The following PDE4D variants were observed in gnomAD, a reference collection of about 807,000 sequenced individuals.
PDE4D encodes phosphodiesterase 4D, also known as 3',5'-cyclic-AMP phosphodiesterase 4D.
A neutral mutation model predicts 87.4 loss-of-function variants in PDE4D; 24 were observed. The observed-to-expected ratio is 0.27, with a 90% confidence interval of 0.20 to 0.39. The LOEUF (loss-of-function observed/expected upper bound fraction) is 0.39. PDE4D is among the 10% of genes least tolerant of loss of function. The pLI is 1.00. For synonymous variants in PDE4D, 384 were observed against 383.2 expected (o/e 1.00, Z -0.02); for missense variants, 714 against 1,041.0 (o/e 0.69, Z 4.32).
chr5:59,703,314 T>C (rs867588534), intron 1 of PDE4D, among the ~76,000 whole-genome samples: 2 of 152,188 alleles, frequency 1.3e-5, no homozygotes, highest in African/African-American at 2.4e-5. Context: ...GAGGTACAAC[T>C]ATCAATAAAA....
At chr5:59,146,786 G>T (rs1216609799) in intron 5 of PDE4D, among the ~76,000 whole-genome samples, 1 of 152,022 alleles carries the variant, frequency 6.6e-6, no homozygotes, top group Non-Finnish European at 1.5e-5. Context: ...ATTACCTTTT[G>T]ATAAAATAAG....
At chr5:59,205,776 T>C (rs1380586359) in intron 2 of PDE4D, among the ~76,000 whole-genome samples, 1 of 150,834 alleles carries the variant, frequency 6.6e-6, no homozygotes, top group Non-Finnish European at 1.5e-5. Context: ...AAAGAAAAAA[T>C]GAATTTTGAA....
intron 1 of PDE4D, among the ~76,000 whole-genome samples, chr5:60,484,750 T>C (rs1292856086): frequency 6.6e-6 from 1 of 152,164 alleles, no homozygotes; most frequent in Admixed American, 6.5e-5. Context: ...AAAAGTTTTG[T>C]CCATTACTGG....
chr5:59,361,099 A>G (rs555011076), intron 1 of PDE4D, among the ~76,000 whole-genome samples: 57 of 152,304 alleles, frequency 3.7e-4, no homozygotes, highest in African/African-American at 1.3e-3. Flanking sequence ...CAACTAAGTC[A>G]AGCTTTTCTA....
At chr5:59,180,990 T>C (rs1741404449) in intron 4 of PDE4D, among the ~76,000 whole-genome samples, 1 of 152,234 alleles carries the variant, frequency 6.6e-6, no homozygotes. Flanking sequence ...GCAGTCAATT[T>C]ATAATTGTCT....
chr5:60,118,561 TTG>T (rs34503506), intron 2 of PDE4D, among the ~76,000 whole-genome samples: 3,976 of 144,140 alleles, frequency 0.028, 151 homozygotes, highest in African/African-American at 0.091. Context: ...TGGATGTAGG[TTG>T]TGTGTGTGTG....
chr5:60,442,082 A>G (rs983871864), intron 1 of PDE4D, among the ~76,000 whole-genome samples: 1 of 152,256 alleles, frequency 6.6e-6, no homozygotes, highest in Non-Finnish European at 1.5e-5. Context: ...CAGCATTCCT[A>G]TTACTGGGTA....
intron 1 of PDE4D, among the ~76,000 whole-genome samples, chr5:59,323,969 A>G (rs769760038): frequency 4.6e-5 from 7 of 152,108 alleles, no homozygotes; most frequent in Non-Finnish European, 7.4e-5. Flanking sequence ...CCTTAGGCCA[A>G]CTAATTTTTC....
chr5:59,081,911 A>T (rs551134290), intron 5 of PDE4D, among the ~76,000 whole-genome samples: 1 of 152,226 alleles, frequency 6.6e-6, no homozygotes, highest in Non-Finnish European at 1.5e-5. Flanking sequence ...ATCATAGGGC[A>T]GTTTCCCCCA....
intron 1 of PDE4D, among the ~76,000 whole-genome samples, chr5:60,441,557 C>A (rs775277997): frequency 6.6e-6 from 1 of 152,136 alleles, no homozygotes; most frequent in Non-Finnish European, 1.5e-5. Flanking sequence ...ACACCAAAAG[C>A]AATGGCAACA....
intron 1 of PDE4D, among the ~76,000 whole-genome samples, chr5:60,360,334 G>C (rs551347836): frequency 6.6e-6 from 1 of 152,186 alleles, no homozygotes; most frequent in African/African-American, 2.4e-5. Context: ...CCATTAACAT[G>C]ATGACAGCAT....
chr5:60,213,301 T>C (rs577556067), intron 1 of PDE4D, among the ~76,000 whole-genome samples: 2 of 152,026 alleles, frequency 1.3e-5, no homozygotes, highest in Non-Finnish European at 2.9e-5. Context: ...CAAATAGGGG[T>C]GTGGAAATAT....
intron 2 of PDE4D, among the ~76,000 whole-genome samples, chr5:59,211,258 C>T (rs964899210): frequency 5.9e-5 from 9 of 152,090 alleles, no homozygotes; most frequent in African/African-American, 2.2e-4. Context: ...GCTACTGCAT[C>T]ATCTATATTT....
intron 1 of PDE4D, among the ~76,000 whole-genome samples, chr5:59,712,569 T>C (rs2150514623): frequency 6.7e-6 from 1 of 150,340 alleles, no homozygotes; most frequent in South Asian, 2.1e-4. Flanking sequence ...ATTAGTCTAC[T>C]GAATCTATTC....
chr5:59,534,238 A>G (rs1462393582), intron 1 of PDE4D, among the ~76,000 whole-genome samples: 1 of 152,252 alleles, frequency 6.6e-6, no homozygotes, highest in East Asian at 1.9e-4. Flanking sequence ...AAGCAAAATC[A>G]AACAGACAAG....
intron 1 of PDE4D, among the ~76,000 whole-genome samples, chr5:59,654,281 A>G (rs998708701): frequency 2.0e-5 from 3 of 152,176 alleles, no homozygotes; most frequent in African/African-American, 7.2e-5. Context: ...TAAAATAACA[A>G]TGACTTTTAT....
intron 1 of PDE4D, among the ~76,000 whole-genome samples, chr5:59,369,380 T>C (rs934378816): frequency 6.6e-6 from 1 of 152,150 alleles, no homozygotes; most frequent in African/African-American, 2.4e-5. Flanking sequence ...GAGATTGACA[T>C]ATGGGTATTT....
chr5:60,160,799 A>C, intron 2 of PDE4D: 1 of 453,342 alleles, frequency 2.2e-6, no homozygotes, highest in South Asian at 1.6e-5. Flanking sequence ...CTTCCTCTCC[A>C]CATCTCTTAC....
At chr5:60,468,726 A>C (rs1747589767) in intron 1 of PDE4D, among the ~76,000 whole-genome samples, 1 of 151,548 alleles carries the variant, frequency 6.6e-6, no homozygotes, top group South Asian at 2.1e-4. Flanking sequence ...GGATCTTACT[A>C]TGTTGCCCAG....
Sources: allele counts gnomAD v4.1 joint callset (sites outside exome capture counted in the v4.1 genomes callset), GRCh38; gene constraint gnomAD v4.1.1; transcripts MANE v1.5; gene names NCBI Gene and HGNC (gene_info 2026-07-23, HGNC 2026-07-21).